CLTCL1: variants seen among roughly 807,000 people sequenced by gnomAD.
The protein encoded by CLTCL1 is clathrin heavy chain 2.
Under a neutral mutation model 190.0 loss-of-function variants are expected in CLTCL1, and 159 were observed. The observed-to-expected ratio is 0.84, with a 90% CI of 0.74 to 0.95. The LOEUF is 0.95. CLTCL1 is among the 40% of genes least tolerant of loss of function. CLTCL1 has a pLI of 0.00. For synonymous variants in CLTCL1, 752 were observed against 769.6 expected, an observed-to-expected ratio of 0.98 and a Z score of 0.38; for missense variants, 1,878 against 2,033.4, an observed-to-expected ratio of 0.92 and a Z score of 1.47.
chr22:19,217,481 T>C (rs943100017), intron 18 of CLTCL1, among the ~76,000 whole-genome samples: 20 of 151,230 alleles, frequency 1.3e-4, no homozygotes, highest in African/African-American at 4.6e-4. Context: ...CCGGGCGTGG[T>C]GGCGGGCGCC....
At chr22:19,239,438 C>A (rs782504651) in intron 4 of CLTCL1, 50 bp from the exon 5 acceptor site, 1 of 1,375,288 alleles carries the variant, frequency 7.3e-7, no homozygotes, top group South Asian at 1.2e-5. Context: ...TGGTGGTGGG[C>A]AAGTGCTAGT....
chr22:19,268,266 A>G (rs1406398606), intron 2 of CLTCL1, among the ~76,000 whole-genome samples: 4 of 152,190 alleles, frequency 2.6e-5, no homozygotes, highest in Non-Finnish European at 5.9e-5. Context: ...CAGACACACT[A>G]TCTGGTAGCA....
chr22:19,201,728 C>T (rs1466074784), intron 22 of CLTCL1, among the ~76,000 whole-genome samples: 3 of 152,082 alleles, frequency 2.0e-5, no homozygotes, highest in Admixed American at 6.5e-5. Flanking sequence ...TGCGTTCTGG[C>T]ACCTCTCAGG....
At chr22:19,290,311 T>C (rs943826956) in intron 1 of CLTCL1, among the ~76,000 whole-genome samples, 4 of 152,200 alleles carry the variant, frequency 2.6e-5, no homozygotes, top group Non-Finnish European at 5.9e-5. Context: ...TGACCCATGG[T>C]AGAAAACAGG....
At chr22:19,201,209 G>A (rs2084869341) in intron 23 of CLTCL1, 120 bp downstream of exon 23, 2 of 1,205,030 alleles carry the variant, frequency 1.7e-6, no homozygotes, top group Non-Finnish European at 2.3e-6. Context: ...GAATCCCAAG[G>A]GTTCAGACCC....
Position 19,210,494 on chromosome 22 carries a change from C to G in CLTCL1, c.3081G>C (p.Leu1027=), listed in dbSNP as rs1555946032. Residue 1027 remains leucine, a synonymous_variant, in exon 20 of 33, where the codon CTG becomes CTC. Coordinates refer to ENST00000427926, the MANE Select transcript of CLTCL1 (RefSeq NM_007098.4). ...CTGCCTTGATGGCAGTCAGGATCAA[C>G]AGATTCTGTAGATTCCTGAGGAGAG... The part of the protein sequence containing the change: ...VFSEHRNLQN[L]LILTAIKADR... The G allele has an allele frequency of 6.2e-7, 1 of 1,613,772 alleles. No homozygotes were observed. Among genetic ancestry groups the G allele is most frequent in the Admixed American group, 1.7e-5 (1 of 60,006 alleles).
At chr22:19,228,088 G>A (rs546328880) in intron 11 of CLTCL1, among the ~76,000 whole-genome samples, 50 of 152,216 alleles carry the variant, frequency 3.3e-4, no homozygotes, top group African/African-American at 1.1e-3. Context: ...ACCAGGTATG[G>A]CCACAGAGTG....
rs1338253449 is a variant in CLTCL1, at chr22:19,222,087, G to A, written c.2425C>T (p.Pro809Ser). 1.2e-6 allele frequency: 2 copies of A among 1,613,782 alleles called. No homozygotes were observed. Among genetic ancestry groups the A allele is most frequent in the Non-Finnish European group, 1.7e-6 (2 of 1,179,852 alleles). Residue 809 changes from proline (P) to serine (S), a missense_variant, in exon 16 of 33, where the codon CCT (proline) becomes TCT (serine). Coordinates refer to ENST00000427926, the MANE Select transcript of CLTCL1 (RefSeq NM_007098.4). ...YIEIYVQKVNPSRTPAVIGGL... is the reference protein window; with the variant it reads ...YIEIYVQKVNSSRTPAVIGGL... ...CCAATCACAGCTGGGGTCCGGCTAG[G>A]GTTGACCTAGGGTAGTCAAGGTCAA...
At chr22:19,184,705 C>T in intron 29 of CLTCL1, 8 of 388,520 alleles carry the variant, frequency 2.1e-5, no homozygotes, top group South Asian at 1.5e-4. Flanking sequence ...GGGCCCTGCT[C>T]TGTTCCTCCT....
rs2085562762 is a variant in CLTCL1, at chr22:19,221,391, G to A, written c.2782C>T (p.Leu928Phe). ...CVAYERGQCDLELIKVCNENS... is the reference protein window; with the variant it reads ...CVAYERGQCDFELIKVCNENS... ...CTGCTACCCACCTTGATGAGCTCAAGGTCACACTGCCCCCGCTCATAGGCA... is the reference window on the plus strand; with the variant it reads ...CTGCTACCCACCTTGATGAGCTCAAAGTCACACTGCCCCCGCTCATAGGCA... The change falls in exon 17 of 33, where the codon CTT becomes TTT. Residue 928 changes from leucine to phenylalanine, a missense_variant. Transcript: ENST00000427926. 4 of 1,552,178 alleles carry A rather than the reference G, an allele frequency of 2.6e-6. No individual in the cohort carries two copies. Among genetic ancestry groups the A allele is most frequent in the Non-Finnish European group, 2.6e-6 (3 of 1,147,296 alleles).
At chr22:19,269,398 C>T (rs1302939319) in intron 2 of CLTCL1, among the ~76,000 whole-genome samples, 1 of 151,772 alleles carries the variant, frequency 6.6e-6, no homozygotes, top group East Asian at 1.9e-4. Flanking sequence ...AGTGAGACTC[C>T]ATCTGAAAAA....
chr22:19,271,319 G>A (rs891365807), intron 2 of CLTCL1, among the ~76,000 whole-genome samples: 11 of 152,134 alleles, frequency 7.2e-5, no homozygotes, highest in African/African-American at 2.4e-4. Context: ...CTGGATCATG[G>A]AGGCAGATTT....
intron 1 of CLTCL1, among the ~76,000 whole-genome samples, chr22:19,276,760 C>A (rs1449390167): frequency 6.6e-6 from 1 of 152,116 alleles, no homozygotes; most frequent in Non-Finnish European, 1.5e-5. Context: ...AGCTCCGCCT[C>A]CCGGGTTCAC....
chr22:19,204,753 G>A (rs1193991302), intron 22 of CLTCL1, among the ~76,000 whole-genome samples: 3 of 152,248 alleles, frequency 2.0e-5, no homozygotes, highest in Non-Finnish European at 4.4e-5. Flanking sequence ...GCAGTCAGCA[G>A]ATGCCAGACT....
intron 26 of CLTCL1, among the ~76,000 whole-genome samples, 187 bp from the exon 27 acceptor site, chr22:19,191,622 C>T (rs570890542): frequency 6.6e-6 from 1 of 152,334 alleles, no homozygotes; most frequent in East Asian, 1.9e-4. Flanking sequence ...CACTGACACA[C>T]TGAGCATTTT....
intron 26 of CLTCL1, among the ~76,000 whole-genome samples, chr22:19,193,967 G>A (rs1018478078): frequency 1.3e-5 from 2 of 152,214 alleles, no homozygotes; most frequent in African/African-American, 2.4e-5. Flanking sequence ...ACCCGAACAG[G>A]TTGCACTGCT....
chr22:19,216,034 G>A, intron 19 of CLTCL1, 77 bp downstream of exon 19: 1 of 1,435,286 alleles, frequency 7.0e-7, no homozygotes, highest in Non-Finnish European at 9.6e-7. Flanking sequence ...AGCGGTACGA[G>A]ATTGTAACAG....
intron 26 of CLTCL1, among the ~76,000 whole-genome samples, chr22:19,194,095 G>C (rs2084613984): frequency 6.6e-6 from 1 of 152,138 alleles, no homozygotes; most frequent in Non-Finnish European, 1.5e-5. Context: ...CCATTTTACA[G>C]AGTGCTGATT....
Position 19,217,484 on chromosome 22 carries a change from C to T in CLTCL1, c.2920-1228G>A, listed in dbSNP as rs555493369. 9.2e-4 allele frequency among the ~76,000 whole-genome samples: 140 copies of T among 151,838 alleles called. 2 individuals are homozygous for T. The highest frequency in any genetic ancestry group is 3.1e-3 in the African/African-American group (128 of 41,412). ...ACAAAAAAGTAGCCGGGCGTGGTGG[C>T]GGGCGCCTGTAGTCCCAGCTACTCG... On this transcript the variant is annotated intron_variant, in intron 18 of 32. Coordinates refer to ENST00000427926, the MANE Select transcript of CLTCL1 (RefSeq NM_007098.4).
Sources: gnomAD v4.1 joint callset for allele counts (sites outside exome capture counted in the v4.1 genomes callset) on GRCh38, gnomAD v4.1.1 for gene constraint, MANE v1.5 for transcripts, NCBI Gene and HGNC (gene_info 2026-07-23, HGNC 2026-07-21) for gene names.